DDAH1: variants seen among roughly 807,000 people sequenced by gnomAD.
DDAH1 encodes dimethylarginine dimethylaminohydrolase 1, also known as N(G),N(G)-dimethylarginine dimethylaminohydrolase 1.
Under a neutral mutation model 28.8 loss-of-function variants are expected in DDAH1, and 19 were observed. The ratio of observed to expected loss-of-function variants is 0.66; its 90% CI spans 0.46 to 0.97. The LOEUF (loss-of-function observed/expected upper bound fraction) is 0.97, where lower values mean the gene tolerates loss of function less well. DDAH1 is among the 50% of genes least tolerant of loss of function. The pLI, the probability that DDAH1 is intolerant of heterozygous loss-of-function variation, is 0.00. For missense variants in DDAH1, 326 were observed against 375.9 expected (o/e 0.87, Z 1.10); for synonymous variants, 153 against 154.4 (o/e 0.99, Z 0.07).
chr1:85,446,576 C>T (rs1557641123), intron 1 of DDAH1, among the ~76,000 whole-genome samples: 1 of 152,140 alleles, frequency 6.6e-6, no homozygotes, highest in Non-Finnish European at 1.5e-5. Context: ...CAAGTCCTAT[C>T]CTTTGGCAAC....
At chr1:85,562,393 A>G (rs1341295110) in intron 1 of DDAH1, among the ~76,000 whole-genome samples, 1 of 152,236 alleles carries the variant, frequency 6.6e-6, no homozygotes, top group Non-Finnish European at 1.5e-5. Context: ...ATTTAATCAA[A>G]AAGAAGAATA....
At chr1:85,347,906 C>T (rs1255378250) in intron 4 of DDAH1, among the ~76,000 whole-genome samples, 1 of 152,086 alleles carries the variant, frequency 6.6e-6, no homozygotes, top group Non-Finnish European at 1.5e-5. Context: ...TGACTATTTC[C>T]TTAGGAGAGC....
intron 1 of DDAH1, among the ~76,000 whole-genome samples, chr1:85,558,574 G>GT (rs1557760171): frequency 1.3e-5 from 2 of 152,170 alleles, no homozygotes; most frequent in South Asian, 2.1e-4. Flanking sequence ...GGGTCTCTAT[G>GT]TTTTTTGATT....
At chr1:85,494,209 A>C (rs939743130) in intron 2 of DDAH1, 5 of 152,212 alleles carry the variant, frequency 3.3e-5, no homozygotes, top group African/African-American at 1.2e-4. Context: ...ACACATATAA[A>C]GTAGTGCTAG....
At chr1:85,491,043 AT>A (rs1461836855) in intron 2 of DDAH1, among the ~76,000 whole-genome samples, 2 of 79,340 alleles carry the variant, frequency 2.5e-5, no homozygotes, top group Admixed American at 3.6e-4. Context: ...AGTAACATGT[AT>A]TCTTTTTTTT....
At chr1:85,335,123 C>T (rs1648025162) in intron 4 of DDAH1, among the ~76,000 whole-genome samples, 1 of 151,958 alleles carries the variant, frequency 6.6e-6, no homozygotes, top group African/African-American at 2.4e-5. Flanking sequence ...AGCAAACACA[C>T]GAATGAGGAA....
intron 2 of DDAH1, among the ~76,000 whole-genome samples, chr1:85,474,171 T>G (rs10157511): frequency 0.26 from 39,638 of 152,138 alleles, 5,328 homozygotes; most frequent in East Asian, 0.32. Context: ...CCCCTTAAAA[T>G]GATTCAAATC....
At chr1:85,478,046 T>C (rs1262442545) in intron 2 of DDAH1, among the ~76,000 whole-genome samples, 1 of 152,094 alleles carries the variant, frequency 6.6e-6, no homozygotes, top group African/African-American at 2.4e-5. Context: ...TAGAAAAGCC[T>C]TTAAAGAAAG....
chr1:85,510,568 A>G (rs187483741), intron 1 of DDAH1, among the ~76,000 whole-genome samples: 7 of 152,234 alleles, frequency 4.6e-5, no homozygotes, highest in Non-Finnish European at 1.0e-4. Context: ...CTGGATAAAG[A>G]GTCAAGACCC....
intron 1 of DDAH1, among the ~76,000 whole-genome samples, chr1:85,461,581 T>C (rs1315671487): frequency 6.6e-6 from 1 of 152,172 alleles, no homozygotes; most frequent in Non-Finnish European, 1.5e-5. Context: ...TTTGGGACCT[T>C]ACTGATTGGG....
intron 1 of DDAH1, among the ~76,000 whole-genome samples, chr1:85,539,724 G>A (rs1249364936): frequency 6.6e-6 from 1 of 151,820 alleles, no homozygotes; most frequent in Admixed American, 6.6e-5. Flanking sequence ...CCAGACTATT[G>A]TAGTAGTGTC....
At chr1:85,391,014 G>A (rs1157707806) in intron 1 of DDAH1, among the ~76,000 whole-genome samples, 2 of 152,096 alleles carry the variant, frequency 1.3e-5, no homozygotes, top group African/African-American at 4.8e-5. Flanking sequence ...GCCTCAAGCA[G>A]ACAACAGGAT....
chr1:85,379,636 T>A, intron 1 of DDAH1: 1 of 985,378 alleles, frequency 1.0e-6, no homozygotes, highest in Non-Finnish European at 1.2e-6. Flanking sequence ...TCTTCACCAT[T>A]ATACTACTGT....
In DDAH1 at chr1:85,400,210, A is replaced by ATCT. The variant is rs1557582437; in HGVS notation, c.304-41364_304-41363insAGA. On this transcript the variant is annotated intron_variant, in intron 1 of 5. Transcript: ENST00000284031. ...TTTTTTTTTTTTTTTTTTTTTTTTG[A>ATCT]GACGGAGTCTCAATCTGTTGCCCAG... Among the ~76,000 whole-genome samples the ATCT allele has an allele frequency of 1.2e-3, 12 of 9,708 alleles. 2 individuals carry two copies. Among genetic ancestry groups the ATCT allele is most frequent in the African/African-American group, 2.9e-3 (11 of 3,816 alleles). The allele number at this position is 9,708 out of a possible 152,430, so 6.4% of individuals were successfully genotyped here.
chr1:85,514,893 G>A (rs1241937166), intron 1 of DDAH1, among the ~76,000 whole-genome samples: 1 of 151,630 alleles, frequency 6.6e-6, no homozygotes, highest in Non-Finnish European at 1.5e-5. Flanking sequence ...CTGTAAACAG[G>A]AACATTGTTT....
chr1:85,521,310 C>G (rs1279618060), intron 1 of DDAH1, among the ~76,000 whole-genome samples: 3 of 151,608 alleles, frequency 2.0e-5, no homozygotes, highest in African/African-American at 7.3e-5. Flanking sequence ...GGTTCATCAC[C>G]GGGTCCCACT....
At chr1:85,474,950 G>C (rs926053518) in intron 2 of DDAH1, among the ~76,000 whole-genome samples, 1 of 152,120 alleles carries the variant, frequency 6.6e-6, no homozygotes, top group Non-Finnish European at 1.5e-5. Context: ...TGTACAACTT[G>C]CTTGACCTTT....
At chr1:85,417,319 G>C (rs1652930291) in intron 1 of DDAH1, among the ~76,000 whole-genome samples, 1 of 150,204 alleles carries the variant, frequency 6.7e-6, no homozygotes, top group Admixed American at 6.6e-5. Context: ...GGAACAGCGG[G>C]GAGGGAAGTC....
At chr1:85,503,027 T>A (rs1188406585) in intron 1 of DDAH1, among the ~76,000 whole-genome samples, 1 of 152,134 alleles carries the variant, frequency 6.6e-6, no homozygotes, top group Non-Finnish European at 1.5e-5. Context: ...AGTAAATTGT[T>A]AAGTGTTTGC....
Sources: allele counts gnomAD v4.1 joint callset (sites outside exome capture counted in the v4.1 genomes callset), GRCh38; gene constraint gnomAD v4.1.1; transcripts MANE v1.5; gene names NCBI Gene and HGNC (gene_info 2026-07-23, HGNC 2026-07-21).